Variants in MACROD2 observed in about 807,000 individuals in gnomAD.
MACROD2 encodes ADP-ribose glycohydrolase MACROD2.
Under a neutral mutation model 70.4 loss-of-function variants are expected in MACROD2, and 36 were observed. That is an observed-to-expected ratio of 0.51 (90% CI 0.39 to 0.68). The LOEUF (loss-of-function observed/expected upper bound fraction) is 0.68. Ranked by LOEUF, MACROD2 falls within the 30% of genes least tolerant of loss-of-function variation. The pLI is 0.00. For synonymous variants in MACROD2, 172 were observed against 178.8 expected, an observed-to-expected ratio of 0.96 and a Z score of 0.30; for missense variants, 496 against 538.4, an observed-to-expected ratio of 0.92 and a Z score of 0.78.
At chr20:15,885,555 C>T (rs2064811333) in intron 9 of MACROD2, among the ~76,000 whole-genome samples, 1 of 152,022 alleles carries the variant, frequency 6.6e-6, no homozygotes, top group South Asian at 2.1e-4. Flanking sequence ...GAAATGTAAA[C>T]TCTAGGCTTT....
intron 3 of MACROD2, among the ~76,000 whole-genome samples, chr20:14,305,637 C>G (rs1433783031): frequency 6.6e-6 from 1 of 152,142 alleles, no homozygotes; most frequent in African/African-American, 2.4e-5. Flanking sequence ...TTCCCCAGTA[C>G]TTCACCATTT....
intron 4 of MACROD2, among the ~76,000 whole-genome samples, chr20:14,623,998 A>G (rs1983986990): frequency 3.3e-5 from 5 of 152,204 alleles, no homozygotes; most frequent in Admixed American, 2.0e-4. Flanking sequence ...CCCCAGGGCT[A>G]TGTTGTCTGT....
chr20:15,689,931 A>G (rs759914925), intron 8 of MACROD2, among the ~76,000 whole-genome samples: 4 of 152,200 alleles, frequency 2.6e-5, no homozygotes, highest in Non-Finnish European at 5.9e-5. Flanking sequence ...TTCTATCCCA[A>G]CCAAAGGCAC....
intron 5 of MACROD2, among the ~76,000 whole-genome samples, chr20:14,966,346 C>T (rs527671542): frequency 1.3e-5 from 2 of 152,226 alleles, no homozygotes; most frequent in South Asian, 4.1e-4. Context: ...GAGGCTGAGG[C>T]AGGGGGAGCG....
intron 5 of MACROD2, among the ~76,000 whole-genome samples, chr20:14,841,537 A>G (rs1204113620): frequency 6.6e-6 from 1 of 151,600 alleles, no homozygotes; most frequent in African/African-American, 2.4e-5. Flanking sequence ...GAAAAAAAAA[A>G]GAATATAGAA....
intron 3 of MACROD2, among the ~76,000 whole-genome samples, chr20:14,357,264 C>T (rs2083181160): frequency 1.3e-5 from 2 of 152,192 alleles, no homozygotes. Flanking sequence ...TTCTTATCCA[C>T]TAACAGCAGC....
chr20:14,175,444 G>T (rs2081255843), intron 3 of MACROD2, among the ~76,000 whole-genome samples: 2 of 152,136 alleles, frequency 1.3e-5, no homozygotes, highest in Admixed American at 1.3e-4. Context: ...CTAATGAAGT[G>T]TGGAGGGAGG....
chr20:14,866,015 A>G (rs960327064), intron 5 of MACROD2, among the ~76,000 whole-genome samples: 1 of 152,110 alleles, frequency 6.6e-6, no homozygotes, highest in African/African-American at 2.4e-5. Context: ...TAGCTTCATA[A>G]TGTCTGACTC....
At chr20:15,183,645 A>G (rs2076515660) in intron 5 of MACROD2, among the ~76,000 whole-genome samples, 1 of 152,246 alleles carries the variant, frequency 6.6e-6, no homozygotes, top group Admixed American at 6.5e-5. Flanking sequence ...AGAAGTGAAG[A>G]GAGCAGAGAG....
At position 14,718,292 on chromosome 20, in the gene MACROD2, C is replaced by CAAAAAAAAAAAA. The variant is rs11358439; in HGVS notation, c.418+33348_418+33359dup. On this transcript the variant is annotated intron_variant, in intron 5 of 17. Transcript: ENST00000684519. ...TGGGCGACAGAGAGAGACTCTGTCT[C>CAAAAAAAAAAAA]AAAAAAAAAAAAAAAAAAAAAAAAA... Among the ~76,000 whole-genome samples the CAAAAAAAAAAAA allele has an allele frequency of 8.6e-3, 471 of 54,668 alleles. 29 individuals carry two copies. Among genetic ancestry groups the CAAAAAAAAAAAA allele is most frequent in the Non-Finnish European group, 0.011 (378 of 33,478 alleles). 35.9% of individuals were successfully genotyped at this position (54,668 alleles called of 152,430 possible). A position where few individuals can be genotyped will look rare whatever the true frequency, so the allele number is the denominator to read the frequency against.
At chr20:16,025,558 A>C (rs2067066490) in intron 15 of MACROD2, among the ~76,000 whole-genome samples, 1 of 150,948 alleles carries the variant, frequency 6.6e-6, no homozygotes, top group African/African-American at 2.5e-5. Context: ...CCACCCAGAG[A>C]TGTCAGGCCT....
At chr20:15,793,275 C>T (rs1341452284) in intron 8 of MACROD2, among the ~76,000 whole-genome samples, 2 of 152,104 alleles carry the variant, frequency 1.3e-5, no homozygotes, top group Non-Finnish European at 2.9e-5. Context: ...CAGGTCCCCA[C>T]CGTAGAGACT....
At chr20:14,762,198 A>T (rs1388481984) in intron 5 of MACROD2, among the ~76,000 whole-genome samples, 1 of 152,106 alleles carries the variant, frequency 6.6e-6, no homozygotes, top group African/African-American at 2.4e-5. Context: ...TATGCCCGCC[A>T]GGGTCTGTGT....
chr20:15,902,683 G>T (rs1267761601), intron 10 of MACROD2, among the ~76,000 whole-genome samples: 2 of 152,056 alleles, frequency 1.3e-5, no homozygotes, highest in Non-Finnish European at 2.9e-5. Context: ...CCAGCTCTGT[G>T]AAAAGGTTCT....
At chr20:15,679,236 CAA>C (rs35869757) in intron 8 of MACROD2, among the ~76,000 whole-genome samples, 32 of 109,286 alleles carry the variant, frequency 2.9e-4, no homozygotes, top group South Asian at 1.9e-3. Flanking sequence ...GACTCCATCT[CAA>C]AAAAAAAAAA....
intron 3 of MACROD2, among the ~76,000 whole-genome samples, chr20:14,130,113 A>G (rs960149144): frequency 1.3e-5 from 2 of 152,226 alleles, no homozygotes; most frequent in African/African-American, 2.4e-5. Context: ...ACTCAGTTAA[A>G]GTGAGTCACC....
intron 5 of MACROD2, among the ~76,000 whole-genome samples, chr20:14,725,195 T>A (rs193190089): frequency 6.6e-6 from 1 of 152,286 alleles, no homozygotes; most frequent in Admixed American, 6.5e-5. Context: ...GTTTTGGAAG[T>A]GATAACAAGA....
chr20:15,968,838 T>TATATAC (rs1417891284), intron 13 of MACROD2, among the ~76,000 whole-genome samples: 67 of 113,754 alleles, frequency 5.9e-4, no homozygotes, highest in African/African-American at 1.8e-3. Context: ...TATATATATA[T>TATATAC]ACACACATAT....
intron 5 of MACROD2, among the ~76,000 whole-genome samples, chr20:14,907,495 C>A (rs1193625746): frequency 6.6e-6 from 1 of 152,160 alleles, no homozygotes; most frequent in African/African-American, 2.4e-5. Context: ...AGTATGTGGT[C>A]CAGGAGGGAG....
Sources: gnomAD v4.1 joint callset for allele counts (sites outside exome capture counted in the v4.1 genomes callset) on GRCh38, gnomAD v4.1.1 for gene constraint, MANE v1.5 for transcripts, NCBI Gene and HGNC (gene_info 2026-07-23, HGNC 2026-07-21) for gene names.